Variants in CSMD1 observed in about 807,000 individuals in gnomAD.
CSMD1 encodes CUB and sushi domain-containing protein 1.
In CSMD1, 213 loss-of-function variants were observed where a neutral mutation model predicts 417.5. That is an observed-to-expected ratio of 0.51 (90% CI 0.46 to 0.57). CSMD1 has a LOEUF of 0.57. CSMD1 is among the 20% of genes least tolerant of loss of function. The pLI, the probability that CSMD1 is intolerant of heterozygous loss-of-function variation, is 0.00. For missense variants in CSMD1, 6,923 were observed against 4,529.7 expected, an observed-to-expected ratio of 1.53 and a Z score of -15.17; for synonymous variants, 2,862 against 1,736.8, an observed-to-expected ratio of 1.65 and a Z score of -16.11.
intron 7 of CSMD1, among the ~76,000 whole-genome samples, chr8:3,618,088 A>G (rs1403543693): frequency 6.6e-6 from 1 of 151,926 alleles, no homozygotes; most frequent in African/African-American, 2.4e-5. Flanking sequence ...TGCAGCCTCA[A>G]CCTCCCAGGA....
chr8:3,806,638 T>C (rs1186376340), intron 5 of CSMD1, among the ~76,000 whole-genome samples: 1 of 152,224 alleles, frequency 6.6e-6, no homozygotes, highest in Non-Finnish European at 1.5e-5. Flanking sequence ...GTCAGCTTCA[T>C]ATGTGCATCA....
chr8:3,414,128 G>C (rs1360062763), intron 12 of CSMD1, among the ~76,000 whole-genome samples: 1 of 132,326 alleles, frequency 7.6e-6, no homozygotes, highest in East Asian at 2.4e-4. Flanking sequence ...GACAGAGCGA[G>C]ACTCCGTTAA....
chr8:4,705,714 A>T (rs2116839677), intron 1 of CSMD1, among the ~76,000 whole-genome samples: 1 of 152,274 alleles, frequency 6.6e-6, no homozygotes, highest in African/African-American at 2.4e-5. Context: ...TTAACGTCTG[A>T]AACCATTTGG....
intron 25 of CSMD1, among the ~76,000 whole-genome samples, chr8:3,291,769 A>G (rs960915028): frequency 1.3e-5 from 2 of 151,988 alleles, no homozygotes; most frequent in African/African-American, 4.8e-5. Context: ...GATCTGTCCA[A>G]AAAGTCAGCT....
At chr8:4,599,549 C>CA (rs940577829) in intron 2 of CSMD1, among the ~76,000 whole-genome samples, 238 of 148,810 alleles carry the variant, frequency 1.6e-3, no homozygotes, top group African/African-American at 4.9e-3. Context: ...TATAAAATTA[C>CA]AAAAAAAAAT....
intron 49 of CSMD1, among the ~76,000 whole-genome samples, chr8:3,055,608 C>T (rs937806114): frequency 2.0e-5 from 3 of 152,118 alleles, no homozygotes; most frequent in South Asian, 4.1e-4. Context: ...TTTAAAAATG[C>T]GAATTAGCAT....
At chr8:3,815,485 A>T (rs1201259992) in intron 5 of CSMD1, among the ~76,000 whole-genome samples, 1 of 152,214 alleles carries the variant, frequency 6.6e-6, no homozygotes, top group Non-Finnish European at 1.5e-5. Context: ...TATAAAAGTT[A>T]AACTCAAAAA....
chr8:3,772,925 G>A (rs995927185), intron 5 of CSMD1, among the ~76,000 whole-genome samples: 34 of 152,028 alleles, frequency 2.2e-4, no homozygotes, highest in African/African-American at 7.0e-4. Flanking sequence ...CATGTTTATG[G>A]CTCACAGTTC....
intron 4 of CSMD1, among the ~76,000 whole-genome samples, chr8:4,025,980 G>A (rs1002606469): frequency 5.3e-5 from 8 of 150,978 alleles, no homozygotes; most frequent in Middle Eastern, 3.4e-3. Context: ...CATTGTAGAA[G>A]GAGACAGTCA....
intron 10 of CSMD1, among the ~76,000 whole-genome samples, chr8:3,534,877 G>A (rs796139518): frequency 6.6e-6 from 1 of 152,184 alleles, no homozygotes; most frequent in South Asian, 2.1e-4. Context: ...CCATCTGGGA[G>A]CTACTTGGTA....
At position 4,363,775 on chromosome 8, in the gene CSMD1, C is replaced by A. The variant is rs535684935; in HGVS notation, c.415+56178G>T. 1.7e-4 allele frequency among the ~76,000 whole-genome samples: 26 copies of A among 152,226 alleles called. No individual in the cohort carries two copies. The South Asian group carries it at 5.2e-3, about 30-fold the overall frequency. On this transcript the variant is annotated intron_variant, in intron 3 of 69. Coordinates refer to ENST00000635120, the MANE Select transcript of CSMD1 (RefSeq NM_033225.6). ...TCATTTTTCATGGCTGAATAGTACT[C>A]CACTATGTATATGTATCTCATTTTC...
intron 6 of CSMD1, among the ~76,000 whole-genome samples, chr8:3,747,364 T>G (rs1235113276): frequency 6.8e-6 from 1 of 146,048 alleles, no homozygotes; most frequent in Non-Finnish European, 1.5e-5. Context: ...AAGAGATTGT[T>G]CTGATCATCT....
chr8:4,366,254 C>CTT (rs56366201), intron 3 of CSMD1, among the ~76,000 whole-genome samples: 37,020 of 150,486 alleles, frequency 0.25, 4,836 homozygotes, highest in African/African-American at 0.31. Context: ...AGACGTGATT[C>CTT]TTTTTTTTTT....
chr8:4,358,002 C>A (rs1351787342), intron 3 of CSMD1, among the ~76,000 whole-genome samples: 1 of 152,126 alleles, frequency 6.6e-6, no homozygotes, highest in Non-Finnish European at 1.5e-5. Context: ...ATCTCCCTCC[C>A]CTTCCCATGG....
intron 3 of CSMD1, among the ~76,000 whole-genome samples, chr8:4,293,930 TC>T (rs1192032158): frequency 6.6e-6 from 1 of 151,998 alleles, no homozygotes; most frequent in Non-Finnish European, 1.5e-5. Context: ...TGTAGAGCTT[TC>T]CACACTTTTA....
At chr8:4,979,337 T>C (rs892242281) in intron 1 of CSMD1, among the ~76,000 whole-genome samples, 1 of 152,158 alleles carries the variant, frequency 6.6e-6, no homozygotes, top group Non-Finnish European at 1.5e-5. Context: ...TTGAGCACAG[T>C]TGACATTCCC....
rs757454248 is a variant in CSMD1 at position 3,412,015 on chromosome 8, C to CGTGTGT, written c.1562-2411_1562-2410insACACAC. On this transcript the variant is annotated intron_variant, in intron 12 of 69. Coordinates refer to ENST00000635120, the MANE Select transcript of CSMD1 (RefSeq NM_033225.6). The stretch of plus-strand genomic sequence containing the variant: ...ACGTGTATATACACGTATATATATA[C>CGTGTGT]ATATACACACGTATATATACACATA... Among the ~76,000 whole-genome samples the CGTGTGT allele has an allele frequency of 6.8e-4, 3 of 4,404 alleles. 1 individual carries two copies. The highest frequency in any genetic ancestry group is 0.011 in the South Asian group (1 of 88). 2.9% of individuals were successfully genotyped at this position (4,404 alleles called of 152,430 possible). A position where few individuals can be genotyped will look rare whatever the true frequency, so the allele number is the denominator to read the frequency against.
In CSMD1 at chr8:3,290,259, G is replaced by A. The variant is rs187539280; in HGVS notation, c.3951-5913C>T. Reference sequence around the variant, plus strand: ...GTAGTGTAGTATGAAGTCAGGTAGCGTGATGCCTCCAGCTTTGTTCTTTTG... The same window carrying A: ...GTAGTGTAGTATGAAGTCAGGTAGCATGATGCCTCCAGCTTTGTTCTTTTG... On this transcript the variant is annotated intron_variant, in intron 25 of 69. Transcript: ENST00000635120. Among the ~76,000 whole-genome samples the A allele has an allele frequency of 2.7e-4, 40 of 147,256 alleles. 1 individual carries two copies. Among genetic ancestry groups the A allele is most frequent in the South Asian group, 1.2e-3 (6 of 4,806 alleles).
At chr8:3,961,808 G>C (rs2740828) in intron 5 of CSMD1, among the ~76,000 whole-genome samples, 95,768 of 151,966 alleles carry the variant, frequency 0.63, 30,665 homozygotes, top group East Asian at 0.93. Context: ...AATATTTCCC[G>C]CTAGAAATGC....
Sources: gnomAD v4.1 joint callset for allele counts (sites outside exome capture counted in the v4.1 genomes callset) on GRCh38, gnomAD v4.1.1 for gene constraint, MANE v1.5 for transcripts, NCBI Gene and HGNC (gene_info 2026-07-23, HGNC 2026-07-21) for gene names.